SBF2: variants seen among roughly 807,000 people sequenced by gnomAD.
SBF2 encodes SET binding factor 2.
Under a neutral mutation model 225.2 loss-of-function variants are expected in SBF2, and 112 were observed. The observed-to-expected ratio is 0.50, with a 90% CI of 0.43 to 0.58. The LOEUF (loss-of-function observed/expected upper bound fraction) is 0.58, where lower values mean the gene tolerates loss of function less well. Ranked by LOEUF, SBF2 falls within the 20% of genes least tolerant of loss-of-function variation. SBF2 has a pLI of 0.00. For synonymous variants in SBF2, 763 were observed against 773.3 expected (o/e 0.99, Z 0.22); for missense variants, 1,996 against 2,206.2 (o/e 0.90, Z 1.91).
intron 2 of SBF2, among the ~76,000 whole-genome samples, chr11:10,111,538 GA>G (rs1290452285): frequency 6.6e-6 from 1 of 152,126 alleles, no homozygotes; most frequent in Non-Finnish European, 1.5e-5. Context: ...TTTCTCTCTA[GA>G]AAAAAGTAAC....
chr11:9,782,197 A>G (rs1564847280), intron 38 of SBF2, among the ~76,000 whole-genome samples: 1 of 141,264 alleles, frequency 7.1e-6, no homozygotes, highest in Non-Finnish European at 1.6e-5. Flanking sequence ...AAAAAAAAAA[A>G]GAAGTCAAGT....
intron 2 of SBF2, chr11:10,164,911 A>T (rs1467646303): frequency 1.3e-5 from 2 of 152,220 alleles, no homozygotes; most frequent in African/African-American, 4.8e-5. Context: ...AAACTACCAC[A>T]ATTTATTTGC....
intron 7 of SBF2, 133 bp downstream of exon 7, chr11:10,002,423 TG>T: frequency 1.4e-6 from 1 of 718,788 alleles, no homozygotes. Context: ...ATCAGAACTA[TG>T]ACTCATATAA....
intron 33 of SBF2, among the ~76,000 whole-genome samples, chr11:9,794,201 C>G (rs1316631139): frequency 4.0e-5 from 6 of 151,698 alleles, no homozygotes; most frequent in African/African-American, 1.2e-4. Context: ...CAAAACAAAA[C>G]AAAATACCAC....
At position 9,968,388 on chromosome 11, in the gene SBF2, G is replaced by T. The variant is rs1474146157; in HGVS notation, c.1553C>A (p.Ala518Asp). ...NVAKNQNAPP[A>D]TRIEKKCVVP... ...AACACATTTCTTTTCTATTCGTGTG[G>T]CAGGAGGTGCATTCTGGTTCTTAGC... Residue 518 changes from alanine to aspartate, a missense_variant, in exon 14 of 40, where the codon GCC becomes GAC. Physicochemically the swap from Ala to Asp is moderately radical, Grantham distance 126. Coordinates refer to ENST00000256190, the MANE Select transcript of SBF2 (RefSeq NM_030962.4). 4.3e-6 allele frequency: 7 copies of T among 1,614,114 alleles called. No individual in the cohort carries two copies. The highest frequency in any genetic ancestry group is 5.9e-6 in the Non-Finnish European group (7 of 1,180,002).
At chr11:10,294,286 G>T (rs761890414), upstream of SBF2, 2 of 364,972 alleles carry the variant, frequency 5.5e-6, no homozygotes, top group East Asian at 8.3e-5. Context: ...GCTGCCCCAA[G>T]CCCGGGCGGC....
chr11:10,240,750 T>C (rs1488684117), intron 1 of SBF2, among the ~76,000 whole-genome samples: 4 of 152,170 alleles, frequency 2.6e-5, no homozygotes, highest in Non-Finnish European at 5.9e-5. Flanking sequence ...AATTTAGATA[T>C]ATGGTGCATT....
In SBF2 at chr11:10,271,196, CTTTTTTT is replaced by C. The variant is rs35931698; in HGVS notation, c.55+22812_55+22818del. On this transcript the variant is annotated intron_variant, in intron 1 of 39. Coordinates refer to ENST00000256190, the MANE Select transcript of SBF2 (RefSeq NM_030962.4). ...AAAACCAAGGACAGCAATCTTGATT[CTTTTTTT>C]TTTTTTTTTTTGAAGTTAAGAATTC... 6.2e-5 allele frequency among the ~76,000 whole-genome samples: 5 copies of C among 81,064 alleles called. 1 individual carries two copies. The South Asian group carries it at 2.1e-3, about 35-fold the overall frequency. 53.2% of individuals were successfully genotyped at this position (81,064 alleles called of 152,430 possible).
chr11:10,063,419 G>A (rs748380129), intron 2 of SBF2, among the ~76,000 whole-genome samples: 27 of 150,614 alleles, frequency 1.8e-4, no homozygotes, highest in Non-Finnish European at 2.8e-4. Context: ...GTGCAGTGGC[G>A]TGATCTCGGC....
At chr11:10,043,359 T>C (rs999319420) in intron 2 of SBF2, among the ~76,000 whole-genome samples, 14 of 152,178 alleles carry the variant, frequency 9.2e-5, no homozygotes, top group African/African-American at 3.4e-4. Flanking sequence ...GAATTATTTT[T>C]AAATTTCCAT....
chr11:10,133,201 T>G (rs1364455759), intron 2 of SBF2, among the ~76,000 whole-genome samples: 1 of 149,416 alleles, frequency 6.7e-6, no homozygotes, highest in Non-Finnish European at 1.5e-5. Context: ...ATATAAAGAC[T>G]CTCCACATCC....
chr11:10,217,395 T>C (rs1958169847), intron 1 of SBF2, among the ~76,000 whole-genome samples: 1 of 152,206 alleles, frequency 6.6e-6, no homozygotes, highest in Non-Finnish European at 1.5e-5. Flanking sequence ...GTTTAATGAC[T>C]ATTTTGTTTA....
intron 12 of SBF2, among the ~76,000 whole-genome samples, chr11:9,992,209 G>A (rs1466869370): frequency 6.6e-6 from 1 of 151,976 alleles, no homozygotes; most frequent in Middle Eastern, 3.2e-3. Flanking sequence ...AAAATTATAT[G>A]TATTTCCAAG....
At chr11:9,866,795 A>C (rs1003958294) in intron 17 of SBF2, among the ~76,000 whole-genome samples, 3 of 152,202 alleles carry the variant, frequency 2.0e-5, no homozygotes, top group African/African-American at 7.2e-5. Flanking sequence ...AAGAAACAAC[A>C]TACAAAATGG....
At position 9,785,297 on chromosome 11, in the gene SBF2, A is replaced by T; in HGVS notation, c.5059T>A (p.Ser1687Thr). The T allele has an allele frequency of 6.2e-7, 1 of 1,614,142 alleles. No homozygotes were observed. The highest frequency in any genetic ancestry group is 2.2e-5 in the East Asian group (1 of 44,886). ...TDRSQRHLSR[S>T]PGIVSTNLPS... ...AGGTTGGTAGACACAATTCCTGGGG[A>T]TCTCGACAGGTGTCTTTGGGACTGA... The change falls in exon 37 of 40, where the codon TCC becomes ACC. Residue 1687 changes from serine (S) to threonine (T), a missense_variant. Coordinates refer to ENST00000256190, the MANE Select transcript of SBF2 (RefSeq NM_030962.4).
chr11:10,228,055 T>A (rs1355686313), intron 1 of SBF2, among the ~76,000 whole-genome samples: 1 of 151,670 alleles, frequency 6.6e-6, no homozygotes, highest in Non-Finnish European at 1.5e-5. Flanking sequence ...TAACTTGGAT[T>A]CCTAGGTACT....
intron 9 of SBF2, among the ~76,000 whole-genome samples, chr11:9,997,639 G>A (rs61877016): frequency 0.025 from 3,801 of 152,226 alleles, 97 homozygotes; most frequent in Non-Finnish European, 0.032. Context: ...TTAGCCGGGC[G>A]TGGTGGCGGG....
At chr11:9,972,622 A>G (rs1946516037) in intron 13 of SBF2, among the ~76,000 whole-genome samples, 2 of 152,130 alleles carry the variant, frequency 1.3e-5, no homozygotes, top group Admixed American at 6.5e-5. Context: ...CTGGGATTAC[A>G]GGTGTGCACC....
intron 1 of SBF2, among the ~76,000 whole-genome samples, chr11:10,202,220 G>GA (rs548048095): frequency 5.7e-4 from 86 of 152,146 alleles, no homozygotes; most frequent in Non-Finnish European, 3.2e-4. Context: ...TTTAAGAAAA[G>GA]AAAGTCTTAT....
Sources: gnomAD v4.1 joint callset for allele counts (sites outside exome capture counted in the v4.1 genomes callset) on GRCh38, gnomAD v4.1.1 for gene constraint, MANE v1.5 for transcripts, NCBI Gene and HGNC (gene_info 2026-07-23, HGNC 2026-07-21) for gene names.